The following ANKRD36C variants were observed in gnomAD, a reference collection of about 807,000 sequenced individuals.
The protein encoded by ANKRD36C is ankyrin repeat domain-containing protein 36C.
Under a neutral mutation model 276.4 loss-of-function variants are expected in ANKRD36C, and 61 were observed. The ratio of observed to expected loss-of-function variants is 0.22; its 90% CI spans 0.18 to 0.27. ANKRD36C has a LOEUF of 0.27. ANKRD36C is among the 10% of genes least tolerant of loss of function. The pLI, the probability that ANKRD36C is intolerant of heterozygous loss-of-function variation, is 1.00. For synonymous variants in ANKRD36C, 483 were observed against 680.1 expected (o/e 0.71, Z 4.51); for missense variants, 1,447 against 2,032.3 (o/e 0.71, Z 5.54).
At chr2:95,986,059 C>T (rs1235280011) in intron 3 of ANKRD36C, among the ~76,000 whole-genome samples, 1 of 152,130 alleles carries the variant, frequency 6.6e-6, no homozygotes, top group African/African-American at 2.4e-5. Flanking sequence ...CAAAATTGAT[C>T]CCTGGGCAAT....
chr2:95,925,427 G>C lies in ANKRD36C; in HGVS notation c.1969-3C>G. The stretch of plus-strand genomic sequence containing the variant: ...GAAACTTTCTTTTTAAATATAACCT[G>C]AATGGAAAGAGAAACAAAATAGTCA... On this transcript the variant is annotated splice_polypyrimidine_tract_variant and splice_region_variant and intron_variant, in intron 29 of 66. Transcript: ENST00000456556. 6.4e-7 allele frequency: 1 copy of C among 1,552,776 alleles called. No homozygotes were observed. The highest frequency in any genetic ancestry group is 8.7e-7 in the Non-Finnish European group (1 of 1,148,602).
At chr2:95,849,757 T>A (rs1467802782), downstream of ANKRD36C, among the ~76,000 whole-genome samples, 4 of 152,236 alleles carry the variant, frequency 2.6e-5, no homozygotes, top group Non-Finnish European at 5.9e-5. Flanking sequence ...CCCTTGAACG[T>A]GCAGTTCACA....
At chr2:95,852,033 T>C (rs1246815111) in intron 65 of ANKRD36C, 93 bp downstream of exon 85, 1 of 1,361,068 alleles carries the variant, frequency 7.3e-7, no homozygotes, top group Non-Finnish European at 1.0e-6. Context: ...CACAAAGACA[T>C]ACTAATTATC....
At chr2:95,933,551 G>T (rs148005988) in intron 24 of ANKRD36C, among the ~76,000 whole-genome samples, 3 of 134,192 alleles carry the variant, frequency 2.2e-5, no homozygotes, top group Non-Finnish European at 5.0e-5. Context: ...GTGAATGGGC[G>T]TTCACTCATG....
intron 32 of ANKRD36C, 51 bp from the exon 33 acceptor site, chr2:95,921,861 A>G: frequency 6.5e-7 from 1 of 1,548,286 alleles, no homozygotes; most frequent in Non-Finnish European, 8.7e-7. Context: ...TACATTTTCC[A>G]TACATTCATG....
chr2:95,898,188 T>A (rs1176186659), intron 44 of ANKRD36C, among the ~76,000 whole-genome samples: 1 of 149,816 alleles, frequency 6.7e-6, no homozygotes, highest in African/African-American at 2.5e-5. Flanking sequence ...GACATACATA[T>A]ACAAAGTAAA....
At chr2:95,888,634 T>C (rs1330524043) in intron 48 of ANKRD36C, among the ~76,000 whole-genome samples, 1 of 151,746 alleles carries the variant, frequency 6.6e-6, no homozygotes, top group Non-Finnish European at 1.5e-5. Flanking sequence ...GGAAGTGTCC[T>C]AAATTGATCA....
intron 59 of ANKRD36C, among the ~76,000 whole-genome samples, chr2:95,870,785 G>T (rs887397207): frequency 6.6e-6 from 1 of 152,134 alleles, no homozygotes; most frequent in African/African-American, 2.4e-5. Flanking sequence ...TTAGACGAAT[G>T]TATACCTAGA....
chr2:95,951,451 G>A (rs1376620160), intron 14 of ANKRD36C, 43 bp from the exon 15 acceptor site: 24 of 1,387,640 alleles, frequency 1.7e-5, no homozygotes, highest in Non-Finnish European at 2.3e-5. Context: ...CATGGAGCAA[G>A]TTAAAATAAG....
At chr2:95,960,487 T>C (rs1248841752) in exon 10 of ANKRD36C, 1 of 1,538,478 alleles carries the variant, frequency 6.5e-7, no homozygotes, top group Non-Finnish European at 8.7e-7. Context: ...CCCAGATTTT[T>C]GTTCATCTTT....
In ANKRD36C at chr2:95,903,099, T is replaced by C; in HGVS notation, c.2654-3763A>G. ...TGAAGACACTGAAAAGTAAAAGGGATTCATAATCACTCATATGTAAAAATG... is the reference window on the plus strand; with the variant it reads ...TGAAGACACTGAAAAGTAAAAGGGACTCATAATCACTCATATGTAAAAATG... On this transcript the variant is annotated intron_variant, in intron 42 of 66. Transcript: ENST00000456556. 6.4e-7 allele frequency: 1 copy of C among 1,559,590 alleles called. No homozygotes were observed. Among genetic ancestry groups the C allele is most frequent in the Admixed American group, 1.9e-5 (1 of 53,224 alleles).
At chr2:95,908,961 C>A (rs1056749226) in intron 42 of ANKRD36C, among the ~76,000 whole-genome samples, 17 of 151,114 alleles carry the variant, frequency 1.1e-4, no homozygotes, top group African/African-American at 4.1e-4. Flanking sequence ...ATGTCAATAT[C>A]AACGTGGATA....
In ANKRD36C at chr2:95,897,360, T is replaced by G; in HGVS notation, c.2755+1785A>C. On this transcript the variant is annotated intron_variant, in intron 44 of 66. Coordinates refer to ENST00000456556, the Ensembl canonical transcript of ANKRD36C. Reference sequence around the variant, plus strand: ...CTTGTAGCCTGAATGGAATTTGAAATGAAATAATAAATTAATAAAGTATGT... The same window carrying G: ...CTTGTAGCCTGAATGGAATTTGAAAGGAAATAATAAATTAATAAAGTATGT... 2 of 1,558,038 alleles carry G rather than the reference T, an allele frequency of 1.3e-6. No individual in the cohort carries two copies. Among genetic ancestry groups the G allele is most frequent in the Non-Finnish European group, 1.7e-6 (2 of 1,147,730 alleles).
At chr2:95,990,307 T>C (rs1679111923) in intron 1 of ANKRD36C, among the ~76,000 whole-genome samples, 1 of 152,254 alleles carries the variant, frequency 6.6e-6, no homozygotes, top group Non-Finnish European at 1.5e-5. Context: ...TCCAATTCTA[T>C]TAGATTGGTG....
At chr2:95,930,428 T>A (rs576589142) in intron 24 of ANKRD36C, among the ~76,000 whole-genome samples, 395 of 151,754 alleles carry the variant, frequency 2.6e-3, no homozygotes, top group African/African-American at 9.1e-3. Context: ...CTAAGAGTTA[T>A]AATTTAAAAA....
At chr2:95,886,709 A>C (rs1676211533) in intron 50 of ANKRD36C, among the ~76,000 whole-genome samples, 1 of 151,782 alleles carries the variant, frequency 6.6e-6, no homozygotes, top group Non-Finnish European at 1.5e-5. Flanking sequence ...ACACAATTAC[A>C]ATGACACTTC....
chr2:95,976,782 T>C (rs1167866311), intron 6 of ANKRD36C, among the ~76,000 whole-genome samples: 1 of 152,124 alleles, frequency 6.6e-6, no homozygotes, highest in African/African-American at 2.4e-5. Flanking sequence ...CAAAGAGCTT[T>C]TAAAAGTTAA....
intron 1 of ANKRD36C, among the ~76,000 whole-genome samples, chr2:95,988,021 T>C (rs2104546764): frequency 6.6e-6 from 1 of 152,214 alleles, no homozygotes; most frequent in Non-Finnish European, 1.5e-5. Context: ...AACATTATCT[T>C]ATTGATATAT....
chr2:95,962,494 A>G, intron 7 of ANKRD36C, 25 bp downstream of exon 7: 2 of 1,598,934 alleles, frequency 1.3e-6, no homozygotes, highest in Non-Finnish European at 1.7e-6. Flanking sequence ...TTAATAGTTC[A>G]AAACAGAAAT....
Sources: allele counts gnomAD v4.1 joint callset (sites outside exome capture counted in the v4.1 genomes callset), GRCh38; gene constraint gnomAD v4.1.1; transcripts MANE v1.5; gene names NCBI Gene and HGNC (gene_info 2026-07-23, HGNC 2026-07-21).